Variants in USP45 observed in about 807,000 individuals in gnomAD.
USP45 encodes the protein ubiquitin specific peptidase 45, also known as ubiquitin carboxyl-terminal hydrolase 45.
Under a neutral mutation model 95.8 loss-of-function variants are expected in USP45, and 89 were observed. The ratio of observed to expected loss-of-function variants is 0.93; its 90% CI spans 0.78 to 1.11. The LOEUF is 1.11. Among genes scored for constraint, USP45 ranks in the 50% least tolerant of loss-of-function variants. USP45 has a pLI of 0.00. For missense variants in USP45, 898 were observed against 942.5 expected, an observed-to-expected ratio of 0.95 and a Z score of 0.62; for synonymous variants, 281 against 316.2, an observed-to-expected ratio of 0.89 and a Z score of 1.18.
intron 1 of USP45, among the ~76,000 whole-genome samples, chr6:99,512,121 C>T (rs921689548): frequency 5.3e-5 from 8 of 152,162 alleles, no homozygotes; most frequent in East Asian, 1.9e-4. Context: ...AAGGTTTGCA[C>T]TTGATATTGG....
At chr6:99,508,484 G>T in intron 3 of USP45, 126 bp downstream of exon 3, 2 of 992,060 alleles carry the variant, frequency 2.0e-6, no homozygotes, top group Non-Finnish European at 2.8e-6. Flanking sequence ...TTCATTCCTG[G>T]AAAATTTCTA....
Position 99,507,492 on chromosome 6 carries a change from G to A in USP45, c.313C>T (p.His105Tyr), listed in dbSNP as rs1330918752. The change falls in exon 4 of 18, where the codon CAC (histidine) becomes TAC (tyrosine). Residue 105 changes from histidine to tyrosine, a missense_variant. Coordinates refer to ENST00000500704, the MANE Select transcript of USP45 (RefSeq NM_001346022.3). ...KNSESQHSLK[H>Y]FKSSRTEPHC... is the part of the protein sequence containing the mutation. Reference sequence around the variant, plus strand: ...GGCTCTGTTCTGGAACTCTTAAAGTGCTTCAATGAATGTTGGCTTTCTGAG... The same window carrying A: ...GGCTCTGTTCTGGAACTCTTAAAGTACTTCAATGAATGTTGGCTTTCTGAG... The A allele has an allele frequency of 6.2e-7, 1 of 1,613,132 alleles. No homozygotes were observed. Among genetic ancestry groups the A allele is most frequent in the Admixed American group, 1.7e-5 (1 of 59,928 alleles).
At chr6:99,488,380 C>T in intron 6 of USP45, 85 bp from the exon 7 acceptor site, 1 of 889,714 alleles carries the variant, frequency 1.1e-6, no homozygotes, top group Non-Finnish European at 1.7e-6. Flanking sequence ...TTTCATCTAG[C>T]ATAGCAAAAG....
chr6:99,441,881 A>G (rs1781592286), intron 15 of USP45, among the ~76,000 whole-genome samples: 1 of 152,166 alleles, frequency 6.6e-6, no homozygotes, highest in South Asian at 2.1e-4. Flanking sequence ...AAATTTTGGC[A>G]TATTTATGAC....
intron 9 of USP45, among the ~76,000 whole-genome samples, chr6:99,474,684 A>G (rs987841312): frequency 6.6e-6 from 1 of 152,202 alleles, no homozygotes; most frequent in African/African-American, 2.4e-5. Flanking sequence ...GCTGCCCACA[A>G]TGGTGTGCTC....
intron 13 of USP45, chr6:99,462,006 AT>A (rs1786561718): frequency 1.0e-6 from 1 of 985,006 alleles, no homozygotes; most frequent in Non-Finnish European, 1.2e-6. Flanking sequence ...ACTGAAATAC[AT>A]TTATGTCATT....
intron 13 of USP45, among the ~76,000 whole-genome samples, chr6:99,452,287 AAG>A (rs1322518177): frequency 6.6e-6 from 1 of 152,238 alleles, no homozygotes; most frequent in East Asian, 1.9e-4. Context: ...TCATGTGACA[AAG>A]GGCAAATATC....
intron 5 of USP45, among the ~76,000 whole-genome samples, chr6:99,489,731 GA>G (rs1794751473): frequency 6.6e-6 from 1 of 152,110 alleles, no homozygotes; most frequent in African/African-American, 2.4e-5. Flanking sequence ...TGGATCACTT[GA>G]GGTCAGGAGT....
At chr6:99,496,011 T>C (rs1796209432) in intron 5 of USP45, among the ~76,000 whole-genome samples, 1 of 152,220 alleles carries the variant, frequency 6.6e-6, no homozygotes, top group African/African-American at 2.4e-5. Context: ...AAAAATAGGT[T>C]GTTTTTAAAA....
At chr6:99,469,273 G>A (rs1361593869) in intron 9 of USP45, among the ~76,000 whole-genome samples, 1 of 151,454 alleles carries the variant, frequency 6.6e-6, no homozygotes, top group Non-Finnish European at 1.5e-5. Flanking sequence ...TATGTTTTAG[G>A]AAAGATCCAA....
intron 7 of USP45, among the ~76,000 whole-genome samples, chr6:99,484,004 GTTT>G (rs773687208): frequency 6.6e-5 from 6 of 91,464 alleles, no homozygotes; most frequent in Admixed American, 3.0e-4. Context: ...ATTTTCCATA[GTTT>G]TTTTTTTTTT....
intron 5 of USP45, among the ~76,000 whole-genome samples, chr6:99,502,593 G>C (rs940564092): frequency 6.6e-6 from 1 of 152,170 alleles, no homozygotes; most frequent in African/African-American, 2.4e-5. Context: ...ACAAATAACA[G>C]ACACCATTTC....
chr6:99,461,185 G>A (rs938454938), intron 13 of USP45: 2 of 985,118 alleles, frequency 2.0e-6, no homozygotes, highest in African/African-American at 3.5e-5. Context: ...ATTTCTTTCT[G>A]AACTAATGAG....
chr6:99,433,057 A>AT lies in USP45; in HGVS notation c.*2658dup, dbSNP rs1459445946. 6.6e-6 allele frequency: 1 copy of AT among 152,120 alleles called. No individual in the cohort carries two copies. Among genetic ancestry groups the AT allele is most frequent in the Non-Finnish European group, 1.5e-5 (1 of 68,032 alleles). 9.4% of individuals were successfully genotyped at this position (152,120 alleles called of 1,614,324 possible). ...CACTCTGCAGGAATGCAGTGGTGTG[A>AT]TCATGGTTCACTGCACCTTGACCTC... On this transcript the variant is annotated 3_prime_UTR_variant, in exon 18 of 18. Coordinates refer to ENST00000500704, the MANE Select transcript of USP45 (RefSeq NM_001346022.3).
chr6:99,453,166 T>TGAA (rs1562323408), intron 13 of USP45, among the ~76,000 whole-genome samples: 1 of 17,210 alleles, frequency 5.8e-5, no homozygotes, highest in Non-Finnish European at 1.3e-4. Flanking sequence ...CCCTAGAACT[T>TGAA]AAAAAAGAAA....
At position 99,476,054 on chromosome 6, in the gene USP45, T is replaced by A. The variant is rs534960812; in HGVS notation, c.933+89A>T. Reference sequence around the variant, plus strand: ...CTGGTCTGAAACTCCTGACCTCAGATGATCCACCCCGCCTTGGCCCCCCAA... The same window carrying A: ...CTGGTCTGAAACTCCTGACCTCAGAAGATCCACCCCGCCTTGGCCCCCCAA... On this transcript the variant is annotated intron_variant, in intron 9 of 17. Coordinates refer to ENST00000500704, the MANE Select transcript of USP45 (RefSeq NM_001346022.3). The A allele has an allele frequency of 7.5e-6, 9 of 1,206,186 alleles. No individual in the cohort carries two copies. In the African/African-American group the frequency reaches 1.4e-4, roughly 18 times the overall value. The allele number at this position is 1,206,186 out of a possible 1,614,324, so 74.7% of individuals were successfully genotyped here.
intron 16 of USP45, among the ~76,000 whole-genome samples, chr6:99,438,073 T>C (rs1780835651): frequency 6.6e-6 from 1 of 152,230 alleles, no homozygotes; most frequent in Non-Finnish European, 1.5e-5. Context: ...TCAAAAGACA[T>C]GTACCACACT....
intron 9 of USP45, among the ~76,000 whole-genome samples, chr6:99,473,803 A>ACACACACACACACACACACACAC (rs1562370224): frequency 5.2e-4 from 9 of 17,174 alleles, no homozygotes; most frequent in African/African-American, 1.6e-3. Context: ...CACACACACA[A>ACACACACACACACACACACACAC]ATTCACAGAA....
At chr6:99,437,113 A>G in intron 17 of USP45, 133 bp downstream of exon 17, 5 of 980,176 alleles carry the variant, frequency 5.1e-6, no homozygotes, top group Non-Finnish European at 7.5e-6. Context: ...TCAATCAATC[A>G]ATCAATTAAG....
Sources: allele counts gnomAD v4.1 joint callset (sites outside exome capture counted in the v4.1 genomes callset), GRCh38; gene constraint gnomAD v4.1.1; transcripts MANE v1.5; gene names NCBI Gene and HGNC (gene_info 2026-07-23, HGNC 2026-07-21).